Variants in TAFA5 observed in about 807,000 individuals in gnomAD.
TAFA5 encodes the protein chemokine-like protein TAFA-5.
TAFA5 carries 6 observed loss-of-function variants against 15.3 expected under a neutral mutation model. That is an observed-to-expected ratio of 0.39 (90% CI 0.21 to 0.77). The LOEUF (loss-of-function observed/expected upper bound fraction) is 0.77, where lower values mean the gene tolerates loss of function less well. Ranked by LOEUF, TAFA5 falls within the 30% of genes least tolerant of loss-of-function variation. The probability of loss-of-function intolerance (pLI) is 0.41; values close to 1 mark genes in which losing one functional copy is unlikely to be tolerated. For synonymous variants in TAFA5, 103 were observed against 80.7 expected (o/e 1.28, Z -1.48); for missense variants, 161 against 193.1 (o/e 0.83, Z 0.98).
At chr22:48,596,646 G>T (rs1394314443) in intron 1 of TAFA5, among the ~76,000 whole-genome samples, 1 of 152,078 alleles carries the variant, frequency 6.6e-6, no homozygotes, top group Non-Finnish European at 1.5e-5. Flanking sequence ...TTGACACGCT[G>T]TTATTAACCG....
rs537081086 is a variant in TAFA5 at position 48,597,941 on chromosome 22, G to A, written c.113-48656G>A. Among the ~76,000 whole-genome samples the A allele has an allele frequency of 2.2e-4, 33 of 152,356 alleles. No individual in the cohort carries two copies. In the East Asian group the frequency reaches 6.4e-3, roughly 29 times the overall value. The stretch of plus-strand genomic sequence containing the variant: ...GCGTGACGCTGATGGCATGAACACA[G>A]GAGTCCCGGCCCTCCATGGTGGGGG... On this transcript the variant is annotated intron_variant, in intron 1 of 3. Coordinates refer to ENST00000402357, the MANE Select transcript of TAFA5 (RefSeq NM_001082967.3).
intron 3 of TAFA5, among the ~76,000 whole-genome samples, chr22:48,747,184 G>A (rs1430320087): frequency 6.6e-6 from 1 of 152,210 alleles, no homozygotes; most frequent in Non-Finnish European, 1.5e-5. Context: ...ACTGGAGAAG[G>A]TTCCCTGTGA....
chr22:48,723,511 A>G (rs1187935664), intron 3 of TAFA5, among the ~76,000 whole-genome samples: 1 of 152,086 alleles, frequency 6.6e-6, no homozygotes, highest in African/African-American at 2.4e-5. Flanking sequence ...CAGGCTCCAT[A>G]GGCTTTGGGC....
rs75721898 is a variant in TAFA5 at position 48,703,474 on chromosome 22, G to C, written c.263-4243G>C. ...AGGGTGTGTGTCCAAGATGCTGAAA[G>C]CTGGCACATCACCCCAGATCCCTCC... is the stretch of plus-strand genomic sequence containing the variant. On this transcript the variant is annotated intron_variant, in intron 2 of 3. Transcript: ENST00000402357. 4.6e-5 allele frequency among the ~76,000 whole-genome samples: 7 copies of C among 152,338 alleles called. No individual in the cohort carries two copies. In the East Asian group the frequency reaches 1.3e-3, roughly 29 times the overall value.
At chr22:48,517,989 G>A (rs778171504) in intron 1 of TAFA5, among the ~76,000 whole-genome samples, 5 of 152,142 alleles carry the variant, frequency 3.3e-5, no homozygotes, top group Non-Finnish European at 7.4e-5. Flanking sequence ...AGCAGGCTCC[G>A]GGGGCCCAGG....
intron 1 of TAFA5, among the ~76,000 whole-genome samples, chr22:48,517,238 G>A (rs1921443395): frequency 6.6e-6 from 1 of 152,154 alleles, no homozygotes; most frequent in African/African-American, 2.4e-5. Context: ...CCCCCAGCAG[G>A]GAAGCCAAAG....
rs771289974 is a variant in TAFA5, at chr22:48,560,640, G to A, written c.112+70936G>A. ...TTATTTATTTTTGAGATGGAGTTTC[G>A]CTCTTGTTGCCCAGGCGGGAGTGCA... On this transcript the variant is annotated intron_variant, in intron 1 of 3. Transcript: ENST00000402357. The surrounding 1 kb of genome is among the most constrained non-coding windows in gnomAD (Gnocchi z 4.2). Among the ~76,000 whole-genome samples, 16 of 150,656 alleles carry A rather than the reference G, an allele frequency of 1.1e-4. No individual in the cohort carries two copies. Among genetic ancestry groups the A allele is most frequent in the South Asian group, 2.1e-4 (1 of 4,754 alleles).
chr22:48,670,575 G>A (rs933050761), intron 2 of TAFA5, among the ~76,000 whole-genome samples: 3 of 152,238 alleles, frequency 2.0e-5, no homozygotes, highest in South Asian at 2.1e-4. Flanking sequence ...GCAATCCATC[G>A]GTGGAGGTGG....
At chr22:48,547,138 GGT>G (rs1431814015) in intron 1 of TAFA5, 1 of 152,468 alleles carries the variant, frequency 6.6e-6, no homozygotes, top group East Asian at 1.9e-4. Context: ...AACGTCTGAT[GGT>G]ATCTATATTT....
chr22:48,707,929 G>A, intron 3 of TAFA5, 85 bp downstream of exon 3: 1 of 1,522,952 alleles, frequency 6.6e-7, no homozygotes, highest in Admixed American at 1.8e-5. Context: ...GCTCCGCGGG[G>A]ACAGGTGGCA....
At chr22:48,512,717 G>T (rs892922388) in intron 1 of TAFA5, among the ~76,000 whole-genome samples, 1 of 151,894 alleles carries the variant, frequency 6.6e-6, no homozygotes, top group Non-Finnish European at 1.5e-5. Context: ...TCAGGAGATC[G>T]AGACCATCCT....
chr22:48,535,150 C>T (rs1922111053), intron 1 of TAFA5, among the ~76,000 whole-genome samples: 1 of 152,180 alleles, frequency 6.6e-6, no homozygotes. Context: ...TTCTGCTGTG[C>T]ACAGGGTGTC....
chr22:48,688,065 A>C (rs1169297419), intron 2 of TAFA5, among the ~76,000 whole-genome samples: 1 of 149,176 alleles, frequency 6.7e-6, no homozygotes, highest in Non-Finnish European at 1.5e-5. Flanking sequence ...AGCTTATTAC[A>C]GTTGGGGTTT....
chr22:48,537,801 G>A (rs1284426197), intron 1 of TAFA5, among the ~76,000 whole-genome samples: 3 of 152,236 alleles, frequency 2.0e-5, no homozygotes, highest in Admixed American at 1.3e-4. Flanking sequence ...GGCTCCTGCC[G>A]GAGTGAAGAG....
chr22:48,507,504 C>A (rs139262888), intron 1 of TAFA5, among the ~76,000 whole-genome samples: 1 of 152,332 alleles, frequency 6.6e-6, no homozygotes, highest in African/African-American at 2.4e-5. Flanking sequence ...GAAGGAGCAG[C>A]CCTGAGGAAT....
intron 2 of TAFA5, among the ~76,000 whole-genome samples, chr22:48,655,827 A>ATTTTTT (rs1927217579): frequency 1.1e-5 from 1 of 89,438 alleles, no homozygotes; most frequent in East Asian, 5.0e-4. Context: ...CCAAACACTG[A>ATTTTTT]TTCTTTTTTT....
intron 1 of TAFA5, among the ~76,000 whole-genome samples, chr22:48,514,339 A>G (rs1334618729): frequency 6.6e-6 from 1 of 152,206 alleles, no homozygotes; most frequent in Non-Finnish European, 1.5e-5. Flanking sequence ...TTATTTTTAT[A>G]TTACAATCCC....
intron 1 of TAFA5, among the ~76,000 whole-genome samples, chr22:48,638,369 A>C (rs1201778384): frequency 1.0e-5 from 1 of 100,104 alleles, no homozygotes; most frequent in Non-Finnish European, 1.9e-5. Flanking sequence ...CCCCCCCGAC[A>C]CTAAGCCCTG....
chr22:48,533,018 C>A (rs533698505), intron 1 of TAFA5, among the ~76,000 whole-genome samples: 1 of 152,302 alleles, frequency 6.6e-6, no homozygotes, highest in African/African-American at 2.4e-5. Context: ...AGTCCCCAGG[C>A]TGTTGCCCTA....
Sources: allele counts gnomAD v4.1 joint callset (sites outside exome capture counted in the v4.1 genomes callset), GRCh38; gene constraint gnomAD v4.1.1; non-coding constraint Gnocchi (gnomAD v3.1); transcripts MANE v1.5; gene names NCBI Gene and HGNC (gene_info 2026-07-23, HGNC 2026-07-21).